ACTR3C: variants seen among roughly 807,000 people sequenced by gnomAD.
The protein encoded by ACTR3C is actin-related protein 3C.
In ACTR3C, 18 loss-of-function variants were observed where a neutral mutation model predicts 26.3. The observed-to-expected ratio is 0.68, with a 90% CI of 0.47 to 1.01. The LOEUF is 1.01. ACTR3C is among the 50% of genes least tolerant of loss of function. The pLI is 0.00. For missense variants in ACTR3C, 184 were observed against 250.7 expected, an observed-to-expected ratio of 0.73 and a Z score of 1.80; for synonymous variants, 55 against 94.5, an observed-to-expected ratio of 0.58 and a Z score of 2.42.
the ACTR3C span, among the ~76,000 whole-genome samples, chr7:149,944,356 C>T: frequency 1.3e-5 from 2 of 151,890 alleles, no homozygotes; most frequent in Non-Finnish European, 2.9e-5. Flanking sequence ...AAATATCAGC[C>T]AATGACATAA....
At chr7:150,142,820 C>G in the ACTR3C span, among the ~76,000 whole-genome samples, 1 of 149,442 alleles carries the variant, frequency 6.7e-6, no homozygotes, top group African/African-American at 2.5e-5. Context: ...TGAGCCACTA[C>G]GCCTGGCTTT....
chr7:150,077,294 A>G, the ACTR3C span, among the ~76,000 whole-genome samples: 1 of 152,180 alleles, frequency 6.6e-6, no homozygotes, highest in South Asian at 2.1e-4. Context: ...GGGAATGCAG[A>G]CTTAAGAAGT....
intron 6 of ACTR3C, among the ~76,000 whole-genome samples, chr7:150,256,737 A>T (rs191654143): frequency 2.7e-3 from 410 of 151,100 alleles, no homozygotes; most frequent in African/African-American, 9.7e-3. Context: ...AAAACTGTGC[A>T]TGTACCCCCA....
the ACTR3C span, chr7:150,004,946 G>T: frequency 6.6e-6 from 1 of 152,210 alleles, no homozygotes; most frequent in Non-Finnish European, 1.5e-5. Flanking sequence ...GGTGGCAGTG[G>T]TCCACAGTGT....
the ACTR3C span, chr7:149,881,552 C>G: frequency 6.2e-3 from 923 of 149,098 alleles, 69 homozygotes; most frequent in East Asian, 0.15. Flanking sequence ...TCCAGGGCAC[C>G]CCGTGGAAGT....
At chr7:150,114,558 G>T in the ACTR3C span, among the ~76,000 whole-genome samples, 94 of 152,218 alleles carry the variant, frequency 6.2e-4, 1 homozygote, top group African/African-American at 2.2e-3. Context: ...AGACGTGATT[G>T]CATGAAATGT....
At chr7:149,951,565 T>C in the ACTR3C span, among the ~76,000 whole-genome samples, 1 of 151,790 alleles carries the variant, frequency 6.6e-6, no homozygotes, top group African/African-American at 2.4e-5. Flanking sequence ...TGCAGTTCTT[T>C]ACATGTGGCC....
the ACTR3C span, among the ~76,000 whole-genome samples, chr7:149,964,283 G>A: frequency 6.6e-6 from 1 of 152,226 alleles, no homozygotes; most frequent in Non-Finnish European, 1.5e-5. Context: ...CCTTTAGGCA[G>A]TGGAAACCCA....
the ACTR3C span, among the ~76,000 whole-genome samples, chr7:149,960,025 G>A: frequency 1.3e-5 from 2 of 151,348 alleles, no homozygotes; most frequent in Non-Finnish European, 2.9e-5. Context: ...GGCACTTGCA[G>A]CCATTTCTGC....
chr7:150,115,559 T>C, the ACTR3C span, among the ~76,000 whole-genome samples: 22 of 152,328 alleles, frequency 1.4e-4, 1 homozygote, highest in South Asian at 3.9e-3. Context: ...CCTCCACAGA[T>C]TATTTCTGTA....
chr7:150,014,616 A>C, the ACTR3C span, among the ~76,000 whole-genome samples: 1 of 152,162 alleles, frequency 6.6e-6, no homozygotes, highest in Non-Finnish European at 1.5e-5. Context: ...ACTTGATTCT[A>C]TCAGCCTTGA....
At chr7:150,207,204 T>C in the ACTR3C span, among the ~76,000 whole-genome samples, 1 of 152,150 alleles carries the variant, frequency 6.6e-6, no homozygotes, top group East Asian at 1.9e-4. Context: ...TAAGTCCTGT[T>C]ATCTTTGGCA....
intron 6 of ACTR3C, among the ~76,000 whole-genome samples, chr7:150,256,366 C>G (rs1270500926): frequency 6.6e-6 from 1 of 152,246 alleles, no homozygotes; most frequent in Non-Finnish European, 1.5e-5. Flanking sequence ...TCCACAGCAG[C>G]TGAACTAACT....
downstream of ACTR3C, among the ~76,000 whole-genome samples, chr7:150,243,044 AT>A (rs113270056): frequency 1.4e-3 from 216 of 152,280 alleles, 1 homozygote; most frequent in African/African-American, 4.9e-3. Context: ...CACTTACTGT[AT>A]GAGAGTTATT....
the ACTR3C span, among the ~76,000 whole-genome samples, chr7:149,907,361 C>T: frequency 9.7e-5 from 14 of 144,704 alleles, no homozygotes; most frequent in Admixed American, 8.4e-4. Flanking sequence ...CCCCAAGACA[C>T]GCAGCAGGCC....
the ACTR3C span, among the ~76,000 whole-genome samples, chr7:150,067,502 C>A: frequency 6.6e-6 from 1 of 152,218 alleles, no homozygotes; most frequent in South Asian, 2.1e-4. Context: ...AATCTCAGGC[C>A]CTGGAGCCCT....
chr7:150,260,790 CT>C (rs570842809), intron 6 of ACTR3C, among the ~76,000 whole-genome samples: 7 of 152,060 alleles, frequency 4.6e-5, no homozygotes, highest in South Asian at 2.1e-4. Flanking sequence ...GGAGCATATG[CT>C]TTTTTTGCTA....
the ACTR3C span, among the ~76,000 whole-genome samples, chr7:150,180,668 A>G: frequency 1.2e-4 from 18 of 148,724 alleles, no homozygotes; most frequent in Non-Finnish European, 1.5e-4. Context: ...GCGCGCCACC[A>G]CGCCTGGCTA....
chr7:150,125,225 TA>T, the ACTR3C span, among the ~76,000 whole-genome samples: 1,360 of 143,310 alleles, frequency 9.5e-3, 17 homozygotes, highest in African/African-American at 0.028. Flanking sequence ...TCTACCAAGT[TA>T]AAAAAAAAAA....
Sources: allele counts gnomAD v4.1 joint callset (sites outside exome capture counted in the v4.1 genomes callset), GRCh38; gene constraint gnomAD v4.1.1; transcripts MANE v1.5; gene names NCBI Gene and HGNC (gene_info 2026-07-23, HGNC 2026-07-21).